The following YARS1 variants were observed in gnomAD, a reference collection of about 807,000 sequenced individuals.
The protein encoded by YARS1 is tyrosine--tRNA ligase, cytoplasmic.
YARS1 carries 36 observed loss-of-function variants against 62.2 expected under a neutral mutation model. That is an observed-to-expected ratio of 0.58 (90% CI 0.44 to 0.76). The LOEUF (loss-of-function observed/expected upper bound fraction) is 0.76. Ranked by LOEUF, YARS1 falls within the 30% of genes least tolerant of loss-of-function variation. The probability of loss-of-function intolerance (pLI) is 0.00; values close to 1 mark genes in which losing one functional copy is unlikely to be tolerated. For synonymous variants in YARS1, 234 were observed against 244.9 expected, an observed-to-expected ratio of 0.96 and a Z score of 0.42; for missense variants, 524 against 639.8, an observed-to-expected ratio of 0.82 and a Z score of 1.95.
chr1:32,808,969 A>G (rs565150919), intron 3 of YARS1, among the ~76,000 whole-genome samples: 29 of 152,230 alleles, frequency 1.9e-4, no homozygotes, highest in Non-Finnish European at 3.8e-4. Flanking sequence ...CTTATCATAT[A>G]CCAGGGGTTC....
intron 4 of YARS1, among the ~76,000 whole-genome samples, chr1:32,803,073 C>G (rs1638343497): frequency 6.6e-6 from 1 of 151,128 alleles, no homozygotes; most frequent in African/African-American, 2.4e-5. Flanking sequence ...ATCTCCACCT[C>G]CCGGGTTCAA....
intron 5 of YARS1, among the ~76,000 whole-genome samples, chr1:32,796,138 C>G (rs1653573215): frequency 6.7e-6 from 1 of 150,246 alleles, no homozygotes; most frequent in Non-Finnish European, 1.5e-5. Context: ...ACTAAAAATA[C>G]AAAAAAATTA....
intron 4 of YARS1, among the ~76,000 whole-genome samples, chr1:32,804,770 C>G (rs1050232498): frequency 1.3e-5 from 2 of 151,954 alleles, no homozygotes; most frequent in African/African-American, 4.8e-5. Context: ...GGCAGAGGGG[C>G]TCCTCACATC....
intron 8 of YARS1, among the ~76,000 whole-genome samples, chr1:32,785,403 G>C (rs7539432): frequency 6.6e-6 from 1 of 150,990 alleles, no homozygotes; most frequent in Non-Finnish European, 1.5e-5. Flanking sequence ...GGAGGTTGCA[G>C]TGAGCCGAGA....
At chr1:32,814,106 TATC>T (rs1398675123) in intron 1 of YARS1, among the ~76,000 whole-genome samples, 8 of 152,210 alleles carry the variant, frequency 5.3e-5, no homozygotes, top group Non-Finnish European at 1.2e-4. Flanking sequence ...GTGTTCTTGT[TATC>T]AACCCAATCA....
rs183978143 is a variant in YARS1 at position 32,787,222 on chromosome 1, T to G, written c.685-147A>C. On this transcript the variant is annotated intron_variant, in intron 6 of 12. Coordinates refer to ENST00000373477, the MANE Select transcript of YARS1 (RefSeq NM_003680.4). Reference sequence around the variant, plus strand: ...ATGGCTCACTGCAGCCTCAGCCTCCTGGGCTCAAGAGATTCTCCCATCTCA... The same window carrying G: ...ATGGCTCACTGCAGCCTCAGCCTCCGGGGCTCAAGAGATTCTCCCATCTCA... 1.3e-5 allele frequency: 12 copies of G among 935,746 alleles called. No individual in the cohort carries two copies. The East Asian group carries it at 3.3e-4, about 26-fold the overall frequency. 58.0% of individuals were successfully genotyped at this position (935,746 alleles called of 1,614,324 possible).
In YARS1 at chr1:32,811,201, G is replaced by A. The variant is rs1020655561; in HGVS notation, c.58-144C>T. 5 of 1,196,798 alleles carry A rather than the reference G, an allele frequency of 4.2e-6. No homozygotes were observed. In the African/African-American group the frequency reaches 7.5e-5, roughly 18 times the overall value. The allele number at this position is 1,196,798 out of a possible 1,614,324, so 74.1% of individuals were successfully genotyped here. A position where few individuals can be genotyped will look rare whatever the true frequency, so the allele number is the denominator to read the frequency against. On this transcript the variant is annotated intron_variant, in intron 1 of 12. Coordinates refer to ENST00000373477, the MANE Select transcript of YARS1 (RefSeq NM_003680.4). ...GAGGTCCAGCCATGTTCTCAGTGCA[G>A]ATGTGATACCCTACCTTGTTTTAAT...
intron 4 of YARS1, among the ~76,000 whole-genome samples, chr1:32,800,382 G>A (rs1168625907): frequency 6.6e-6 from 1 of 152,098 alleles, no homozygotes; most frequent in Admixed American, 6.6e-5. Flanking sequence ...GCTTACGCCT[G>A]CAATTTCAGC....
chr1:32,806,725 G>C (rs1038061219), intron 3 of YARS1, 114 bp from the exon 4 acceptor site: 9 of 1,425,080 alleles, frequency 6.3e-6, no homozygotes, highest in Non-Finnish European at 8.7e-6. Flanking sequence ...CAGGGATCTC[G>C]GTTTTAAAAA....
rs1434441568 is a variant in YARS1, at chr1:32,781,078, G to A, written c.1110C>T (p.Ile370=). Residue 370 remains isoleucine, a synonymous_variant, in exon 10 of 13, where the codon ATC becomes ATT. Transcript: ENST00000373477. Reference sequence around the variant, plus strand: ...CCACAGTGATGATTTTCCCCACACGGATATCCAGCCGGGATGGGATGACCT... The same window carrying A: ...CCACAGTGATGATTTTCCCCACACGAATATCCAGCCGGGATGGGATGACCT... ...PEEVIPSRLD[I]RVGKIITVEK... 4 of 1,614,224 alleles carry A rather than the reference G, an allele frequency of 2.5e-6. No individual in the cohort carries two copies. The highest frequency in any genetic ancestry group is 3.4e-6 in the Non-Finnish European group (4 of 1,180,048).
At chr1:32,786,784 C>T in intron 7 of YARS1, 156 bp downstream of exon 7, 1 of 1,057,192 alleles carries the variant, frequency 9.5e-7, no homozygotes, top group Non-Finnish European at 1.4e-6. Context: ...TAAATTACAT[C>T]CCAACATCAT....
rs1441493954 is a variant in YARS1, at chr1:32,809,092, T to C, written c.380+1499A>G. Among the ~76,000 whole-genome samples the C allele has an allele frequency of 3.3e-5, 5 of 152,162 alleles. No homozygotes were observed. The East Asian group carries it at 7.7e-4, about 23-fold the overall frequency. On this transcript the variant is annotated intron_variant, in intron 3 of 12. Coordinates refer to ENST00000373477, the MANE Select transcript of YARS1 (RefSeq NM_003680.4). ...ATTTATTCATTTCTTTTTCTTTCTTTTCTTTTTTTTTTGAGATGGAGTCTC... is the reference window on the plus strand; with the variant it reads ...ATTTATTCATTTCTTTTTCTTTCTTCTCTTTTTTTTTTGAGATGGAGTCTC...
chr1:32,804,307 CG>C (rs1460979997), intron 4 of YARS1, among the ~76,000 whole-genome samples: 1 of 152,012 alleles, frequency 6.6e-6, no homozygotes, highest in Non-Finnish European at 1.5e-5. Context: ...ACTTCCCAGA[CG>C]GGGCGGCCGG....
intron 4 of YARS1, among the ~76,000 whole-genome samples, chr1:32,800,339 C>T (rs1439142226): frequency 3.3e-5 from 5 of 151,826 alleles, no homozygotes; most frequent in Admixed American, 2.6e-4. Context: ...TTTATTTTCT[C>T]ATATCAAGCA....
intron 12 of YARS1, among the ~76,000 whole-genome samples, chr1:32,778,736 C>CTTTTTTTTTT (rs67504155): frequency 2.4e-4 from 29 of 120,006 alleles, no homozygotes; most frequent in Non-Finnish European, 2.9e-4. Context: ...CTTTTCTTTT[C>CTTTTTTTTTT]TTTTTTTTTT....
chr1:32,778,246 G>A (rs1375911235), intron 12 of YARS1, among the ~76,000 whole-genome samples: 1 of 152,166 alleles, frequency 6.6e-6, no homozygotes, highest in Non-Finnish European at 1.5e-5. Context: ...GCTATATTAT[G>A]GAATCGGTAT....
intron 3 of YARS1, among the ~76,000 whole-genome samples, chr1:32,810,151 T>G (rs1383390913): frequency 1.3e-5 from 2 of 149,744 alleles, no homozygotes; most frequent in Non-Finnish European, 3.0e-5. Context: ...ACACGAAATA[T>G]CTATGCTAAC....
At position 32,810,989 on chromosome 1, in the gene YARS1, C is replaced by T. The variant is rs765715989; in HGVS notation, c.126G>A (p.Thr42=). 5.6e-6 allele frequency: 9 copies of T among 1,614,000 alleles called. No homozygotes were observed. The highest frequency in any genetic ancestry group is 3.3e-5 in the Admixed American group (2 of 59,980). The change falls in exon 2 of 13, where the codon ACG becomes ACA. Residue 42 remains threonine (T), a synonymous_variant. Coordinates refer to ENST00000373477, the MANE Select transcript of YARS1 (RefSeq NM_003680.4). ...KERELKIYWG[T]ATTGKPHVAY... ...CCACATGTGGTTTGCCCGTGGTTGC[C>T]GTTCCCCAGTAAATTTTAAGTTCCC...
chr1:32,805,579 T>C (rs1279395708), intron 4 of YARS1, among the ~76,000 whole-genome samples: 3 of 152,190 alleles, frequency 2.0e-5, no homozygotes, highest in African/African-American at 7.2e-5. Flanking sequence ...ACCTGGCTAT[T>C]TGGTGCAAGA....
Sources: gnomAD v4.1 joint callset for allele counts (sites outside exome capture counted in the v4.1 genomes callset) on GRCh38, gnomAD v4.1.1 for gene constraint, MANE v1.5 for transcripts, NCBI Gene and HGNC (gene_info 2026-07-23, HGNC 2026-07-21) for gene names.